The following SMYD3 variants were observed in gnomAD, a reference collection of about 807,000 sequenced individuals.
The protein encoded by SMYD3 is histone-lysine N-methyltransferase SMYD3.
In SMYD3, 36 loss-of-function variants were observed where a neutral mutation model predicts 57.7. That is an observed-to-expected ratio of 0.62 (90% CI 0.48 to 0.82). SMYD3 has a LOEUF of 0.82. SMYD3 is among the 40% of genes least tolerant of loss of function. The pLI is 0.00. For synonymous variants in SMYD3, 211 were observed against 195.0 expected, an observed-to-expected ratio of 1.08 and a Z score of -0.68; for missense variants, 515 against 538.8, an observed-to-expected ratio of 0.96 and a Z score of 0.44.
At chr1:245,798,803 A>G (rs192208047) in intron 10 of SMYD3, among the ~76,000 whole-genome samples, 145 of 151,662 alleles carry the variant, frequency 9.6e-4, no homozygotes, top group African/African-American at 3.3e-3. Context: ...GGCCTTCACT[A>G]CCTATTTTCT....
intron 1 of SMYD3, among the ~76,000 whole-genome samples, chr1:246,487,757 C>T (rs1326066858): frequency 4.0e-5 from 6 of 150,428 alleles, no homozygotes; most frequent in Admixed American, 2.6e-4. Context: ...TGCAATGACG[C>T]GACCTCAGCT....
chr1:246,232,073 GT>G (rs1316329291), intron 5 of SMYD3, among the ~76,000 whole-genome samples: 1 of 152,138 alleles, frequency 6.6e-6, no homozygotes, highest in African/African-American at 2.4e-5. Context: ...AAAAGCCATA[GT>G]TTTTAATGCA....
intron 5 of SMYD3, among the ~76,000 whole-genome samples, chr1:246,023,464 T>C (rs998302225): frequency 6.6e-6 from 1 of 152,220 alleles, no homozygotes; most frequent in Non-Finnish European, 1.5e-5. Flanking sequence ...GCTTGAATCA[T>C]TTCCCCCACA....
At chr1:246,181,338 C>G (rs2062548344) in intron 5 of SMYD3, among the ~76,000 whole-genome samples, 1 of 152,198 alleles carries the variant, frequency 6.6e-6, no homozygotes, top group Non-Finnish European at 1.5e-5. Flanking sequence ...TAGGAGGCAT[C>G]CTTGACATTA....
chr1:245,812,723 G>A (rs6658756), intron 10 of SMYD3, among the ~76,000 whole-genome samples: 27,357 of 137,106 alleles, frequency 0.2, 3,688 homozygotes, highest in African/African-American at 0.37. Flanking sequence ...AAAAGAGAAA[G>A]AGCGAGCGAG....
chr1:245,954,070 A>G (rs2147956498), intron 5 of SMYD3, among the ~76,000 whole-genome samples: 1 of 152,376 alleles, frequency 6.6e-6, no homozygotes, highest in East Asian at 1.9e-4. Flanking sequence ...GAAGTGTATC[A>G]GGTACTTTTC....
At chr1:246,228,475 T>C (rs1025213587) in intron 5 of SMYD3, among the ~76,000 whole-genome samples, 1 of 152,216 alleles carries the variant, frequency 6.6e-6, no homozygotes, top group Non-Finnish European at 1.5e-5. Flanking sequence ...GAAAATCAAG[T>C]ATCTGGTTCT....
chr1:246,218,666 C>T (rs72774458), intron 5 of SMYD3, among the ~76,000 whole-genome samples: 26,863 of 151,242 alleles, frequency 0.18, 2,761 homozygotes, highest in East Asian at 0.34. Context: ...TTAAGACTGG[C>T]TGACTGCTAT....
intron 11 of SMYD3, among the ~76,000 whole-genome samples, chr1:245,754,949 G>A (rs2045546152): frequency 6.6e-6 from 1 of 152,230 alleles, no homozygotes; most frequent in South Asian, 2.1e-4. Flanking sequence ...GCACCCTCAG[G>A]AGGGGTTACA....
rs1411148523 is a variant in SMYD3 at position 246,072,056 on chromosome 1, G to T, written c.532-142119C>A. Among the ~76,000 whole-genome samples the T allele has an allele frequency of 5.3e-4, 18 of 34,142 alleles. 1 individual carries two copies. Among genetic ancestry groups the T allele is most frequent in the East Asian group, 1.4e-3 (1 of 692 alleles). 22.4% of individuals were successfully genotyped at this position (34,142 alleles called of 152,430 possible). On this transcript the variant is annotated intron_variant, in intron 5 of 11. Coordinates refer to ENST00000490107, the MANE Select transcript of SMYD3 (RefSeq NM_001167740.2). ...TGTGCTTTCCGCTGTGCTCACTGTGGATGCATCGTGTAGTTCTGGGGAGGG... is the reference window on the plus strand; with the variant it reads ...TGTGCTTTCCGCTGTGCTCACTGTGTATGCATCGTGTAGTTCTGGGGAGGG...
chr1:246,462,510 C>T (rs911107068), intron 1 of SMYD3, among the ~76,000 whole-genome samples: 3 of 152,128 alleles, frequency 2.0e-5, no homozygotes, highest in African/African-American at 7.2e-5. Flanking sequence ...GGAAGGGTCA[C>T]ACAGACCCCA....
At chr1:246,362,642 TGGTGGAGACGG>T (rs2148716194) in intron 1 of SMYD3, among the ~76,000 whole-genome samples, 1 of 152,374 alleles carries the variant, frequency 6.6e-6, no homozygotes, top group South Asian at 2.1e-4. Flanking sequence ...CGTATTTTTT[TGGTGGAGACGG>T]GGTTTCGCTG....
intron 1 of SMYD3, among the ~76,000 whole-genome samples, chr1:246,409,348 T>C (rs2066922549): frequency 1.3e-5 from 2 of 152,348 alleles, no homozygotes; most frequent in Admixed American, 6.5e-5. Context: ...GAATTAATTT[T>C]TGTATAAGGT....
At chr1:246,432,129 T>C (rs2067307029) in intron 1 of SMYD3, among the ~76,000 whole-genome samples, 3 of 152,224 alleles carry the variant, frequency 2.0e-5, no homozygotes, top group Admixed American at 2.0e-4. Flanking sequence ...ACTACCTCTC[T>C]AGCACTTTCT....
chr1:246,430,801 C>T (rs1416474776), intron 1 of SMYD3, among the ~76,000 whole-genome samples: 1 of 151,948 alleles, frequency 6.6e-6, no homozygotes, highest in African/African-American at 2.4e-5. Context: ...AACAAAGGAG[C>T]CCAGAGAAAT....
Position 246,355,663 on chromosome 1 carries a change from G to GTGAC in SMYD3, c.165-573_165-570dup, listed in dbSNP as rs929653289. ...GCTGTGTGGGAGTGGGATGAGGCCT[G>GTGAC]TGACTGCTGGCTTTCCCCCACTTCT... On this transcript the variant is annotated intron_variant, in intron 1 of 11. Coordinates refer to ENST00000490107, the MANE Select transcript of SMYD3 (RefSeq NM_001167740.2). The surrounding 1 kb of genome is among the most constrained non-coding windows in gnomAD (Gnocchi z 5.0). Among the ~76,000 whole-genome samples, 8 of 152,126 alleles carry GTGAC rather than the reference G, an allele frequency of 5.3e-5. No individual in the cohort carries two copies. The highest frequency in any genetic ancestry group is 1.9e-4 in the African/African-American group (8 of 41,430).
At position 246,168,709 on chromosome 1, in the gene SMYD3, C is replaced by A. The variant is rs111271082; in HGVS notation, c.531+158492G>T. On this transcript the variant is annotated intron_variant, in intron 5 of 11. Coordinates refer to ENST00000490107, the MANE Select transcript of SMYD3 (RefSeq NM_001167740.2). ...AGTATTAAGACTCATTCCTTTCTGC[C>A]CACACACAAAAATTCGTTGCACCCG... Among the ~76,000 whole-genome samples, 247 of 152,216 alleles carry A rather than the reference C, an allele frequency of 1.6e-3. 1 individual carries two copies. Among genetic ancestry groups the A allele is most frequent in the African/African-American group, 5.5e-3 (229 of 41,538 alleles).
chr1:246,435,126 C>T (rs2067351688), intron 1 of SMYD3, among the ~76,000 whole-genome samples: 1 of 152,056 alleles, frequency 6.6e-6, no homozygotes, highest in African/African-American at 2.4e-5. Flanking sequence ...TACTGCTGGA[C>T]ATAAAGACGG....
At chr1:245,803,176 A>C (rs1299071672) in intron 10 of SMYD3, among the ~76,000 whole-genome samples, 1 of 152,204 alleles carries the variant, frequency 6.6e-6, no homozygotes. Flanking sequence ...CTGTGACATG[A>C]AAGATGGTCA....
Sources: allele counts gnomAD v4.1 joint callset (sites outside exome capture counted in the v4.1 genomes callset), GRCh38; gene constraint gnomAD v4.1.1; non-coding constraint Gnocchi (gnomAD v3.1); transcripts MANE v1.5; gene names NCBI Gene and HGNC (gene_info 2026-07-23, HGNC 2026-07-21).